Variants in TBC1D15 observed in about 807,000 individuals in gnomAD.
TBC1D15 encodes the protein TBC1 domain family member 15, also known as GAP for RAB7.
Under a neutral mutation model 95.4 loss-of-function variants are expected in TBC1D15, and 39 were observed. The observed-to-expected ratio is 0.41, with a 90% CI of 0.32 to 0.53. The LOEUF is 0.53. TBC1D15 is among the 20% of genes least tolerant of loss of function. TBC1D15 has a pLI of 0.29. For missense variants in TBC1D15, 733 were observed against 794.3 expected (o/e 0.92, Z 0.93); for synonymous variants, 258 against 261.3 (o/e 0.99, Z 0.12).
At chr12:71,906,674 C>T (rs2138888694) in intron 10 of TBC1D15, among the ~76,000 whole-genome samples, 1 of 150,506 alleles carries the variant, frequency 6.6e-6, no homozygotes, top group South Asian at 2.1e-4. Context: ...GTATCTATGA[C>T]ATGCATTAAT....
chr12:71,882,483 C>A (rs1226701743), intron 4 of TBC1D15, among the ~76,000 whole-genome samples: 1 of 152,100 alleles, frequency 6.6e-6, no homozygotes, highest in Non-Finnish European at 1.5e-5. Context: ...TTAGTATTCT[C>A]ATGTTAGTGT....
intron 10 of TBC1D15, among the ~76,000 whole-genome samples, chr12:71,900,890 T>TACCACTCCTGTTCAGTG (rs1899227234): frequency 6.6e-6 from 1 of 152,148 alleles, no homozygotes; most frequent in African/African-American, 2.4e-5. Context: ...GGGGTTCTCT[T>TACCACTCCTGTTCAGTG]ACCACTCCTG....
chr12:71,850,608 G>T (rs760853417), intron 1 of TBC1D15, among the ~76,000 whole-genome samples: 2 of 151,830 alleles, frequency 1.3e-5, no homozygotes, highest in African/African-American at 2.4e-5. Flanking sequence ...GTGGGGTCTA[G>T]CTGTGTTGCC....
At chr12:71,898,068 C>G in intron 10 of TBC1D15, 127 bp downstream of exon 10, 1 of 629,870 alleles carries the variant, frequency 1.6e-6, no homozygotes, top group Non-Finnish European at 2.8e-6. Context: ...TAGGAAAGTA[C>G]ATTGCAGTGT....
chr12:71,881,645 C>T (rs1472291872), intron 4 of TBC1D15, among the ~76,000 whole-genome samples: 2 of 151,966 alleles, frequency 1.3e-5, no homozygotes, highest in Admixed American at 6.6e-5. Context: ...AGGCCGGGCG[C>T]GGTGGCTCAC....
At chr12:71,904,688 T>A (rs889372408) in intron 10 of TBC1D15, among the ~76,000 whole-genome samples, 1 of 152,160 alleles carries the variant, frequency 6.6e-6, no homozygotes, top group African/African-American at 2.4e-5. Flanking sequence ...GCAGGGAGAC[T>A]ATATAAATTC....
chr12:71,873,930 G>T (rs985089639), intron 3 of TBC1D15, among the ~76,000 whole-genome samples: 8 of 152,170 alleles, frequency 5.3e-5, no homozygotes, highest in African/African-American at 1.9e-4. Flanking sequence ...TCTGTTGCCT[G>T]TCTGCTAATT....
chr12:71,885,133 T>G lies in TBC1D15; in HGVS notation c.554+112T>G, dbSNP rs1895987223. ...AGTGACCTATTTGCATATGAGGACA[T>G]GAACAGCTTAGTTTTTTCTGGGATA... On this transcript the variant is annotated intron_variant, in intron 5 of 16. Coordinates refer to ENST00000485960, the MANE Select transcript of TBC1D15 (RefSeq NM_001146213.3). 5 of 935,862 alleles carry G rather than the reference T, an allele frequency of 5.3e-6. No individual in the cohort carries two copies. In the South Asian group the frequency reaches 8.1e-5, roughly 15 times the overall value. The allele number at this position is 935,862 out of a possible 1,614,324, so 58.0% of individuals were successfully genotyped here. A position where few individuals can be genotyped will look rare whatever the true frequency, so the allele number is the denominator to read the frequency against.
Position 71,918,512 on chromosome 12 carries a change from G to T in TBC1D15, c.1563G>T (p.Arg521Ser). The T allele has an allele frequency of 6.2e-7, 1 of 1,607,970 alleles. No homozygotes were observed. ...GGTGGCTTTTAATCAGATTCAAAAG[G>T]GAATTTAGTTTTCTAGATATTCTTC... ...CFRWLLIRFK[R>S]EFSFLDILRL... The change falls in exon 14 of 17, where the codon AGG (arginine) becomes AGT (serine). Residue 521 changes from arginine (R) to serine (S), a missense_variant. Physicochemically the swap from Arg to Ser is moderately radical, Grantham distance 110 (BLOSUM62 -1). Coordinates refer to ENST00000485960, the MANE Select transcript of TBC1D15 (RefSeq NM_001146213.3).
At chr12:71,885,508 C>T (rs986788979) in intron 5 of TBC1D15, among the ~76,000 whole-genome samples, 9 of 152,200 alleles carry the variant, frequency 5.9e-5, no homozygotes, top group Admixed American at 2.0e-4. Context: ...ACACATGCTT[C>T]CTCACTGTTA....
rs1160317830 is a variant in TBC1D15, at chr12:71,896,094, T to G, written c.984+19T>G. The stretch of plus-strand genomic sequence containing the variant: ...TAGAGGGGTAATTTAAACACTCTAA[T>G]ATGGCTTGTCTTATAAACTCCTAGT... On this transcript the variant is annotated intron_variant, in intron 8 of 16. Coordinates refer to ENST00000485960, the MANE Select transcript of TBC1D15 (RefSeq NM_001146213.3). 2.4e-5 allele frequency: 39 copies of G among 1,592,094 alleles called. No individual in the cohort carries two copies. The highest frequency in any genetic ancestry group is 3.2e-5 in the Non-Finnish European group (37 of 1,165,642).
At chr12:71,922,271 G>C (rs1869689356) in intron 16 of TBC1D15, among the ~76,000 whole-genome samples, 1 of 152,158 alleles carries the variant, frequency 6.6e-6, no homozygotes, top group Admixed American at 6.5e-5. Flanking sequence ...TTTTAGTAGA[G>C]ACGAGGTTTC....
chr12:71,843,420 A>G (rs1338091272), intron 1 of TBC1D15, among the ~76,000 whole-genome samples: 1 of 152,092 alleles, frequency 6.6e-6, no homozygotes, highest in East Asian at 1.9e-4. Context: ...AGTCCTATAA[A>G]ATTTTTGTGC....
At chr12:71,859,692 C>G (rs1889957334) in intron 1 of TBC1D15, among the ~76,000 whole-genome samples, 1 of 152,086 alleles carries the variant, frequency 6.6e-6, no homozygotes, top group African/African-American at 2.4e-5. Flanking sequence ...ACTGCACCCT[C>G]TGCTTCCCAG....
At chr12:71,913,589 G>A (rs921560059) in intron 11 of TBC1D15, 3 of 382,384 alleles carry the variant, frequency 7.8e-6, no homozygotes, top group Admixed American at 4.8e-5. Flanking sequence ...ACTGAGACAC[G>A]TACTGGAAGC....
chr12:71,876,321 A>G (rs1474885351), intron 3 of TBC1D15, among the ~76,000 whole-genome samples: 1 of 151,914 alleles, frequency 6.6e-6, no homozygotes, highest in Admixed American at 6.6e-5. Flanking sequence ...TCCAATTTAC[A>G]TATGTGTGTT....
intron 10 of TBC1D15, among the ~76,000 whole-genome samples, chr12:71,902,921 T>G (rs917466408): frequency 6.5e-4 from 76 of 117,620 alleles, no homozygotes; most frequent in African/African-American, 2.5e-3. Flanking sequence ...ATGAGCAGAC[T>G]TTTTTTTTTG....
intron 1 of TBC1D15, among the ~76,000 whole-genome samples, chr12:71,854,366 TTC>T (rs909800082): frequency 6.6e-6 from 1 of 152,168 alleles, no homozygotes; most frequent in African/African-American, 2.4e-5. Context: ...TCTTTTTCCT[TTC>T]TGTTTTTGGT....
intron 11 of TBC1D15, among the ~76,000 whole-genome samples, chr12:71,913,007 AAAACTAAC>A (rs1487746750): frequency 6.6e-6 from 1 of 152,120 alleles, no homozygotes; most frequent in Non-Finnish European, 1.5e-5. Context: ...GTGAAAAAGT[AAAACTAAC>A]ACTTTTTCTT....
Sources: gnomAD v4.1 joint callset for allele counts (sites outside exome capture counted in the v4.1 genomes callset) on GRCh38, gnomAD v4.1.1 for gene constraint, MANE v1.5 for transcripts, NCBI Gene and HGNC (gene_info 2026-07-23, HGNC 2026-07-21) for gene names.